Variants in TAF8 observed in about 807,000 individuals in gnomAD.
The protein encoded by TAF8 is transcription initiation factor TFIID subunit 8.
In TAF8, 47 loss-of-function variants were observed where a neutral mutation model predicts 36.5. The ratio of observed to expected loss-of-function variants is 1.29; its 90% confidence interval spans 1.02 to 1.64. The LOEUF (loss-of-function observed/expected upper bound fraction) is 1.64. TAF8 is among the 40% of genes most tolerant of loss of function. The pLI is 0.00. For synonymous variants in TAF8, 175 were observed against 159.5 expected (o/e 1.10, Z -0.73); for missense variants, 420 against 407.6 (o/e 1.03, Z -0.26).
chr6:42,061,189 C>T (rs1765179455), intron 5 of TAF8, among the ~76,000 whole-genome samples: 1 of 152,162 alleles, frequency 6.6e-6, no homozygotes. Flanking sequence ...ACTATTAAAG[C>T]TACAATTGAC....
intron 5 of TAF8, among the ~76,000 whole-genome samples, chr6:42,060,612 C>T (rs958384007): frequency 6.6e-6 from 1 of 152,046 alleles, no homozygotes; most frequent in Non-Finnish European, 1.5e-5. Context: ...CTTTACTTAC[C>T]ACAGGTCAGG....
chr6:42,078,887 G>A lies in TAF8; in HGVS notation c.*1342G>A, dbSNP rs151155927. The A allele has an allele frequency of 2.8e-3, 2,737 of 965,968 alleles. 5 individuals are homozygous for A. The highest frequency in any genetic ancestry group is 4.0e-3 in the Admixed American group (65 of 16,234). The allele number at this position is 965,968 out of a possible 1,614,324, so 59.8% of individuals were successfully genotyped here. On this transcript the variant is annotated 3_prime_UTR_variant, in exon 9 of 9. Coordinates refer to ENST00000372977, the MANE Select transcript of TAF8 (RefSeq NM_138572.3). ...CTGTAATCCCAGCACTTCGGGAGGC[G>A]AAGGCAGGTGGATCACTTGAGGTCA...
chr6:42,052,328 C>CTT (rs771808677), intron 2 of TAF8, among the ~76,000 whole-genome samples: 2,111 of 101,452 alleles, frequency 0.021, 46 homozygotes, highest in African/African-American at 0.074. Flanking sequence ...CCCCCCCCCC[C>CTT]TTTTTTTTTT....
At chr6:42,061,382 T>C (rs2127454605) in intron 5 of TAF8, among the ~76,000 whole-genome samples, 1 of 152,308 alleles carries the variant, frequency 6.6e-6, no homozygotes, top group East Asian at 1.9e-4. Flanking sequence ...ATTTGAAAGT[T>C]TTTCCTCTAT....
intron 1 of TAF8, 148 bp from the exon 2 acceptor site, chr6:42,051,209 G>C: frequency 1.6e-6 from 2 of 1,286,666 alleles, no homozygotes; most frequent in Non-Finnish European, 1.0e-6. Flanking sequence ...TTTTTACTCA[G>C]TTGGCCAAGA....
chr6:42,067,807 C>T (rs916055150), intron 6 of TAF8, among the ~76,000 whole-genome samples: 1 of 149,218 alleles, frequency 6.7e-6, no homozygotes, highest in Non-Finnish European at 1.5e-5. Flanking sequence ...TCAACCAGTC[C>T]TCCTGCCTCA....
downstream of TAF8, chr6:42,087,168 C>T (rs951445930): frequency 1.7e-4 from 37 of 214,438 alleles, 1 homozygote; most frequent in Non-Finnish European, 3.4e-4. Flanking sequence ...CTGCATCCCT[C>T]CTGAGCTCTT....
intron 7 of TAF8, among the ~76,000 whole-genome samples, chr6:42,073,241 A>G (rs888857367): frequency 6.6e-6 from 1 of 152,218 alleles, no homozygotes; most frequent in Non-Finnish European, 1.5e-5. Flanking sequence ...CAACCCAGAT[A>G]TCTAAGCTTT....
downstream of TAF8, chr6:42,086,803 A>C (rs1766036286): frequency 1.3e-6 from 2 of 1,507,688 alleles, no homozygotes; most frequent in Non-Finnish European, 1.8e-6. Flanking sequence ...GAGAGCAGCC[A>C]CAAAGGTCAA....
downstream of TAF8, chr6:42,086,647 CT>C (rs1766033118): frequency 1.3e-6 from 2 of 1,493,352 alleles, no homozygotes; most frequent in African/African-American, 2.8e-5. Context: ...AAGCTGCCCC[CT>C]CTTCCACCAC....
intron 1 of TAF8, 114 bp downstream of exon 1, chr6:42,050,700 C>G: frequency 1.1e-5 from 15 of 1,311,128 alleles, no homozygotes; most frequent in Non-Finnish European, 1.5e-5. Context: ...TGAGCTCCGA[C>G]TGGCGGAGGG....
chr6:42,081,473 A>G lies in TAF8; in HGVS notation c.*3928A>G, dbSNP rs1423353189. 6.6e-6 allele frequency: 1 copy of G among 152,100 alleles called. No individual in the cohort carries two copies. Among genetic ancestry groups the G allele is most frequent in the Non-Finnish European group, 1.5e-5 (1 of 68,066 alleles). 9.4% of individuals were successfully genotyped at this position (152,100 alleles called of 1,614,324 possible). ...AAGCTCCGCCACCCAGGTTCACGCC[A>G]TTCTCCTGCCTCAGCCTCCCAAGTA... On this transcript the variant is annotated 3_prime_UTR_variant, in exon 9 of 9. Coordinates refer to ENST00000372977, the MANE Select transcript of TAF8 (RefSeq NM_138572.3).
chr6:42,067,032 A>G (rs1002600719), intron 6 of TAF8, among the ~76,000 whole-genome samples: 2 of 152,102 alleles, frequency 1.3e-5, no homozygotes, highest in Non-Finnish European at 2.9e-5. Context: ...ACATTATCTC[A>G]TTAAATCCTC....
chr6:42,066,477 G>C lies in TAF8; in HGVS notation c.637+18G>C, dbSNP rs900169483. 1.2e-6 allele frequency: 2 copies of C among 1,613,492 alleles called. No individual in the cohort carries two copies. The highest frequency in any genetic ancestry group is 2.7e-5 in the African/African-American group (2 of 75,038). On this transcript the variant is annotated intron_variant, in intron 6 of 8. Coordinates refer to ENST00000372977, the MANE Select transcript of TAF8 (RefSeq NM_138572.3). ...ATTTCCATGTGAGAGTTGCCCCACT[G>C]TGTGGACCCTGTCTTATTTGAAACA...
At position 42,079,715 on chromosome 6, in the gene TAF8, ATTTT is replaced by A; in HGVS notation, c.*2185_*2188del. 62 of 432,916 alleles carry A rather than the reference ATTTT, an allele frequency of 1.4e-4. No individual in the cohort carries two copies. Among genetic ancestry groups the A allele is most frequent in the Non-Finnish European group, 1.7e-4 (57 of 332,894 alleles). The allele number at this position is 432,916 out of a possible 1,614,324, so 26.8% of individuals were successfully genotyped here. On this transcript the variant is annotated 3_prime_UTR_variant, in exon 9 of 9. Transcript: ENST00000372977. ...AGATGCCCGCCACCACATCTGGCTA[ATTTT>A]TTTTTTTTTTTTTTAGTAGACACGG...
At chr6:42,060,259 T>C (rs569740725) in intron 5 of TAF8, among the ~76,000 whole-genome samples, 1 of 152,308 alleles carries the variant, frequency 6.6e-6, no homozygotes, top group Non-Finnish European at 1.5e-5. Flanking sequence ...AACAACAGTG[T>C]ACTATAGTTT....
At position 42,055,633 on chromosome 6, in the gene TAF8, A is replaced by G; in HGVS notation, c.301+4A>G. The G allele has an allele frequency of 1.2e-6, 2 of 1,611,162 alleles. No homozygotes were observed. The highest frequency in any genetic ancestry group is 1.7e-6 in the Non-Finnish European group (2 of 1,177,212). On this transcript the variant is annotated splice_donor_region_variant and intron_variant, in intron 3 of 8. Transcript: ENST00000372977. ...GTGGTCACACTTGTTGAGATGGGTG[A>G]GTATACCTTCAGTTTCCAGTTCTTC...
downstream of TAF8, chr6:42,086,987 G>A (rs138572983): frequency 2.5e-5 from 15 of 590,196 alleles, no homozygotes; most frequent in African/African-American, 2.2e-4. Flanking sequence ...AGTGCAGGGC[G>A]AGTTCTGCCG....
intron 5 of TAF8, among the ~76,000 whole-genome samples, chr6:42,058,005 T>G (rs1356941946): frequency 6.6e-6 from 1 of 152,230 alleles, no homozygotes; most frequent in African/African-American, 2.4e-5. Context: ...TAGGTCATTT[T>G]GTTTTGTGTT....
Sources: gnomAD v4.1 joint callset for allele counts (sites outside exome capture counted in the v4.1 genomes callset) on GRCh38, gnomAD v4.1.1 for gene constraint, MANE v1.5 for transcripts, NCBI Gene and HGNC (gene_info 2026-07-23, HGNC 2026-07-21) for gene names.